ANKRD44: variants seen among roughly 807,000 people sequenced by gnomAD.
The protein encoded by ANKRD44 is ankyrin repeat domain 44.
A neutral mutation model predicts 116.0 loss-of-function variants in ANKRD44; 35 were observed. That is an observed-to-expected ratio of 0.30 (90% CI 0.23 to 0.40). The LOEUF is 0.40. Ranked by LOEUF, ANKRD44 falls within the 10% of genes least tolerant of loss-of-function variation. ANKRD44 has a pLI of 1.00. For missense variants in ANKRD44, 1,014 were observed against 1,242.6 expected, an observed-to-expected ratio of 0.82 and a Z score of 2.77; for synonymous variants, 435 against 461.8, an observed-to-expected ratio of 0.94 and a Z score of 0.74.
At chr2:197,067,288 A>T (rs1317000447) in intron 16 of ANKRD44, among the ~76,000 whole-genome samples, 1 of 152,262 alleles carries the variant, frequency 6.6e-6, no homozygotes, top group East Asian at 1.9e-4. Flanking sequence ...TTAATTCAAG[A>T]TGGATTAAAG....
chr2:197,171,230 T>C (rs2080226427), intron 2 of ANKRD44, among the ~76,000 whole-genome samples: 1 of 152,134 alleles, frequency 6.6e-6, no homozygotes, highest in Non-Finnish European at 1.5e-5. Context: ...TCTTTGAAGA[T>C]GATAGTGGCC....
Position 197,011,434 on chromosome 2 carries a change from T to C in ANKRD44, c.1924+2077A>G, listed in dbSNP as rs2076298538. Among the ~76,000 whole-genome samples the C allele has an allele frequency of 2.0e-5, 3 of 152,024 alleles. No homozygotes were observed. In the South Asian group the frequency reaches 6.2e-4, roughly 31 times the overall value. On this transcript the variant is annotated intron_variant, in intron 18 of 27. Transcript: ENST00000282272. Reference sequence around the variant, plus strand: ...TTTTGTTTTGTTTTGTTTTGTTTTTTGGTACAGTAGCTTTTTGAACTTAGC... The same window carrying C: ...TTTTGTTTTGTTTTGTTTTGTTTTTCGGTACAGTAGCTTTTTGAACTTAGC...
At chr2:197,263,772 A>G (rs2082671008) in intron 1 of ANKRD44, among the ~76,000 whole-genome samples, 1 of 141,138 alleles carries the variant, frequency 7.1e-6, no homozygotes, top group Admixed American at 7.3e-5. Context: ...CCGGTGTAGC[A>G]GAGGCTCCTA....
At chr2:196,995,294 G>A (rs1011172722) in intron 26 of ANKRD44, 85 bp downstream of exon 26, 34 of 943,582 alleles carry the variant, frequency 3.6e-5, no homozygotes, top group Non-Finnish European at 5.3e-5. Context: ...CCCAGAGCTA[G>A]TCTGGCACAC....
intron 8 of ANKRD44, among the ~76,000 whole-genome samples, chr2:197,113,362 G>C (rs1050720727): frequency 6.6e-6 from 1 of 152,182 alleles, no homozygotes; most frequent in South Asian, 2.1e-4. Context: ...TAACTAAGGC[G>C]AGAGAAGGCA....
At chr2:197,044,860 C>G (rs1420408042) in intron 16 of ANKRD44, among the ~76,000 whole-genome samples, 1 of 150,666 alleles carries the variant, frequency 6.6e-6, no homozygotes, top group Non-Finnish European at 1.5e-5. Flanking sequence ...AGTTTTATGC[C>G]TAAGCAAAAA....
intron 1 of ANKRD44, among the ~76,000 whole-genome samples, chr2:197,273,982 T>A (rs4850422): frequency 0.41 from 11,233 of 27,318 alleles, 1,815 homozygotes; most frequent in South Asian, 0.49. Context: ...AAAAAAAAAA[T>A]ATATATATAT....
chr2:197,133,587 G>A (rs2079140889), intron 4 of ANKRD44, among the ~76,000 whole-genome samples: 1 of 152,148 alleles, frequency 6.6e-6, no homozygotes, highest in East Asian at 1.9e-4. Flanking sequence ...ATGAAGAAAT[G>A]GTTTCAAACA....
Position 197,208,615 on chromosome 2 carries a change from A to G in ANKRD44, c.28-21509T>C, listed in dbSNP as rs201928074. Among the ~76,000 whole-genome samples, 9 of 152,190 alleles carry G rather than the reference A, an allele frequency of 5.9e-5. No homozygotes were observed. In the East Asian group the frequency reaches 1.5e-3, roughly 26 times the overall value. Reference sequence around the variant, plus strand: ...GGAGATTGAGACCATTCTGGCTAACATGGTGAAACCCCGTCTCTACTAAAA... The same window carrying G: ...GGAGATTGAGACCATTCTGGCTAACGTGGTGAAACCCCGTCTCTACTAAAA... On this transcript the variant is annotated intron_variant, in intron 1 of 27. Transcript: ENST00000282272.
intron 1 of ANKRD44, among the ~76,000 whole-genome samples, chr2:197,248,578 G>GTA (rs377124357): frequency 0.16 from 22,906 of 143,988 alleles, 1,920 homozygotes; most frequent in Middle Eastern, 0.24. Flanking sequence ...GTGTGTGTGT[G>GTA]TATATATATA....
intron 21 of ANKRD44, among the ~76,000 whole-genome samples, chr2:196,970,882 T>C (rs1350528858): frequency 6.6e-6 from 1 of 152,114 alleles, no homozygotes; most frequent in Non-Finnish European, 1.5e-5. Flanking sequence ...TTTGTATTCT[T>C]TGTAGAGACG....
At chr2:197,251,506 A>C (rs1391083030) in intron 1 of ANKRD44, among the ~76,000 whole-genome samples, 1 of 152,192 alleles carries the variant, frequency 6.6e-6, no homozygotes, top group Non-Finnish European at 1.5e-5. Flanking sequence ...CTGATATCAC[A>C]TCAGCTTTGT....
In ANKRD44 at chr2:196,998,343, A is replaced by G. The variant is rs142902577; in HGVS notation, c.2742T>C (p.Cys914=). The G allele has an allele frequency of 2.4e-4, 385 of 1,611,300 alleles. No individual in the cohort carries two copies. Among genetic ancestry groups the G allele is most frequent in the Admixed American group, 1.1e-3 (68 of 59,978 alleles). ...KDLNTPLHLA[C]SKGHEKCALL... ...TTTAAATTCATTTACATACTTTACT[A>G]CAAGCCAAATGTAAGGGTGTATTCA... Residue 914 remains cysteine, a synonymous_variant, in exon 25 of 28, where the codon TGT becomes TGC. Coordinates refer to ENST00000282272, the MANE Select transcript of ANKRD44 (RefSeq NM_001195144.2).
chr2:197,000,176 TA>T (rs2076089323), intron 23 of ANKRD44, among the ~76,000 whole-genome samples: 1 of 152,154 alleles, frequency 6.6e-6, no homozygotes, highest in Non-Finnish European at 1.5e-5. Context: ...TAGATATGCA[TA>T]AAAATATTTA....
At chr2:197,041,439 T>C (rs1384710979) in intron 16 of ANKRD44, among the ~76,000 whole-genome samples, 1 of 152,168 alleles carries the variant, frequency 6.6e-6, no homozygotes, top group African/African-American at 2.4e-5. Flanking sequence ...GCATACCCTA[T>C]AGGCCTTGGC....
intron 18 of ANKRD44, among the ~76,000 whole-genome samples, chr2:197,012,535 T>C (rs942328996): frequency 1.3e-5 from 2 of 151,808 alleles, no homozygotes; most frequent in African/African-American, 4.8e-5. Context: ...ACTAACCTTA[T>C]GGCTAACGTT....
At chr2:197,252,270 T>A (rs2082333132) in intron 1 of ANKRD44, among the ~76,000 whole-genome samples, 1 of 152,152 alleles carries the variant, frequency 6.6e-6, no homozygotes, top group Admixed American at 6.6e-5. Context: ...ACCTAAATAT[T>A]TTTTCCCAAA....
At chr2:197,305,203 C>A (rs1443578119) in intron 1 of ANKRD44, among the ~76,000 whole-genome samples, 1 of 152,028 alleles carries the variant, frequency 6.6e-6, no homozygotes, top group Non-Finnish European at 1.5e-5. Flanking sequence ...ACAAAAACAA[C>A]AACAAAAAAC....
chr2:197,287,845 C>T (rs575149044), intron 1 of ANKRD44, among the ~76,000 whole-genome samples: 3 of 151,718 alleles, frequency 2.0e-5, no homozygotes, highest in Admixed American at 1.3e-4. Context: ...CATGGTGAAA[C>T]CCTGTCCCTC....
Sources: allele counts gnomAD v4.1 joint callset (sites outside exome capture counted in the v4.1 genomes callset), GRCh38; gene constraint gnomAD v4.1.1; transcripts MANE v1.5; gene names NCBI Gene and HGNC (gene_info 2026-07-23, HGNC 2026-07-21).